The following GET3 variants were observed in gnomAD, a reference collection of about 807,000 sequenced individuals.
The protein encoded by GET3 is ATPase GET3.
In GET3, 15 loss-of-function variants were observed where a neutral mutation model predicts 32.4. The ratio of observed to expected loss-of-function variants is 0.46; its 90% confidence interval spans 0.31 to 0.71. The LOEUF (loss-of-function observed/expected upper bound fraction) is 0.71. Among genes scored for constraint, GET3 ranks in the 30% least tolerant of loss-of-function variants. GET3 has a pLI of 0.05. For synonymous variants in GET3, 198 were observed against 185.6 expected, an observed-to-expected ratio of 1.07 and a Z score of -0.54; for missense variants, 333 against 459.0, an observed-to-expected ratio of 0.73 and a Z score of 2.51.
intron 1 of GET3, among the ~76,000 whole-genome samples, 178 bp downstream of exon 1, chr19:12,737,844 C>T (rs1476502954): frequency 4.6e-5 from 7 of 152,126 alleles, no homozygotes; most frequent in African/African-American, 7.2e-5. Flanking sequence ...GCCCTAGCAC[C>T]CTCTGAGTTG....
chr19:12,743,733 T>TC (rs1329955498), intron 2 of GET3, among the ~76,000 whole-genome samples: 1 of 105,050 alleles, frequency 9.5e-6, no homozygotes, highest in East Asian at 3.2e-4. Context: ...TTTTTTTTTT[T>TC]TTTTTTTTTT....
Position 12,748,275 on chromosome 19 carries a change from C to A in GET3, c.*171C>A. 1.8e-6 allele frequency: 1 copy of A among 570,236 alleles called. No homozygotes were observed. Among genetic ancestry groups the A allele is most frequent in the South Asian group, 2.8e-5 (1 of 35,456 alleles). 35.3% of individuals were successfully genotyped at this position (570,236 alleles called of 1,614,324 possible). On this transcript the variant is annotated 3_prime_UTR_variant, in exon 7 of 7. Transcript: ENST00000357332. Reference sequence around the variant, plus strand: ...GGGGCTGGTGGGGAGCTGTAGTTGCCCCCTACCTCTCCCACCTCTTGCTCT... The same window carrying A: ...GGGGCTGGTGGGGAGCTGTAGTTGCACCCTACCTCTCCCACCTCTTGCTCT...
chr19:12,744,870 A>G (rs1181868154), intron 2 of GET3, among the ~76,000 whole-genome samples: 1 of 152,026 alleles, frequency 6.6e-6, no homozygotes, highest in African/African-American at 2.4e-5. Context: ...CTCCCATCTC[A>G]TTCTCCTGAG....
intron 1 of GET3, 38 bp downstream of exon 1, chr19:12,737,704 A>T: frequency 6.3e-7 from 1 of 1,575,162 alleles, no homozygotes; most frequent in Non-Finnish European, 8.6e-7. Flanking sequence ...GGCGTGTAGG[A>T]TATACCACTG....
At chr19:12,737,388 A>G, upstream of GET3, 3 of 1,254,990 alleles carry the variant, frequency 2.4e-6, no homozygotes, top group Non-Finnish European at 3.1e-6. Context: ...TTCTCCTAAA[A>G]GGCAAGTAAT....
rs1967761377 is a variant in GET3, at chr19:12,745,786, C to G, written c.609+27C>G. 1 of 1,574,992 alleles carries G rather than the reference C, an allele frequency of 6.3e-7. No homozygotes were observed. Among genetic ancestry groups the G allele is most frequent in the Non-Finnish European group, 8.6e-7 (1 of 1,161,562 alleles). On this transcript the variant is annotated intron_variant, in intron 4 of 6. Transcript: ENST00000357332. The surrounding 1 kb of genome is among the most constrained non-coding windows in gnomAD (Gnocchi z 5.0). Reference sequence around the variant, plus strand: ...CAGGCGGCGGGGGCCCCCACCTGCACCATCCAGGCAGCCGGGAGTGGGAGT... The same window carrying G: ...CAGGCGGCGGGGGCCCCCACCTGCAGCATCCAGGCAGCCGGGAGTGGGAGT...
chr19:12,739,833 C>G (rs913960966), intron 2 of GET3, among the ~76,000 whole-genome samples: 2 of 151,866 alleles, frequency 1.3e-5, no homozygotes, highest in Non-Finnish European at 2.9e-5. Flanking sequence ...CACTTGAGGT[C>G]AAGAGTTTGA....
Position 12,747,659 on chromosome 19 carries a change from C to A in GET3, c.915+67C>A. ...TGCCCCTTTATTCTCTGATCTTTTG[C>A]TCCACCATCTGGCCCTCTGCCCTCT... On this transcript the variant is annotated intron_variant, in intron 6 of 6. Coordinates refer to ENST00000357332, the MANE Select transcript of GET3 (RefSeq NM_004317.4). The surrounding 1 kb of genome is among the most constrained non-coding windows in gnomAD (Gnocchi z 4.0). 1 of 1,539,898 alleles carries A rather than the reference C, an allele frequency of 6.5e-7. No individual in the cohort carries two copies. The highest frequency in any genetic ancestry group is 2.4e-5 in the East Asian group (1 of 42,512).
chr19:12,738,756 T>G, intron 2 of GET3, 98 bp downstream of exon 2: 1 of 1,454,270 alleles, frequency 6.9e-7, no homozygotes, highest in Non-Finnish European at 9.4e-7. Context: ...ATCCACTCTA[T>G]ATCCTGTGTC....
rs138730527 is a variant in GET3 at position 12,737,528 on chromosome 19, G to A, written c.23G>A (p.Trp8Ter). Reference protein sequence around the residue: MAAGVAGWGVEAEEFEDA... With the variant: MAAGVAG ...AAAATGGCGGCAGGGGTGGCCGGGT[G>A]GGGGGTTGAGGCAGAGGAGTTCGAA... is the stretch of plus-strand genomic sequence containing the variant. The change falls in exon 1 of 7, where the codon TGG becomes TAG. Residue 8 changes from tryptophan (W) to a stop codon, truncating the protein, a stop_gained. Coordinates refer to ENST00000357332, the MANE Select transcript of GET3 (RefSeq NM_004317.4). LOFTEE classifies it high-confidence loss of function. 48 of 1,570,414 alleles carry A rather than the reference G, an allele frequency of 3.1e-5. No individual in the cohort carries two copies. The highest frequency in any genetic ancestry group is 3.7e-5 in the Non-Finnish European group (43 of 1,160,064).
intron 4 of GET3, among the ~76,000 whole-genome samples, chr19:12,746,568 A>G (rs8177490): frequency 5.4e-4 from 82 of 152,360 alleles, no homozygotes; most frequent in Middle Eastern, 3.4e-3. Flanking sequence ...AGGTGGTAAC[A>G]CTGAGCACTT....
At chr19:12,738,770 C>T (rs1008374539) in intron 2 of GET3, 112 bp downstream of exon 2, 29 of 1,357,478 alleles carry the variant, frequency 2.1e-5, no homozygotes, top group South Asian at 1.1e-4. Flanking sequence ...CTGTGTCTCT[C>T]GTGTTTCACT....
At position 12,747,013 on chromosome 19, in the gene GET3, A is replaced by C. The variant is rs190094977; in HGVS notation, c.610-184A>C. On this transcript the variant is annotated intron_variant, in intron 4 of 6. Coordinates refer to ENST00000357332, the MANE Select transcript of GET3 (RefSeq NM_004317.4). This position sits in a 1 kb window ranked among gnomAD's most constrained non-coding sequence, Gnocchi z 4.0. ...CAACAGAGTGAGACTCCATTTCAAA[A>C]AAAAAAAAAAAAGAAAGAAAGAAAT... Among the ~76,000 whole-genome samples the C allele has an allele frequency of 0.017, 2,507 of 151,486 alleles. 33 individuals are homozygous for C. Among genetic ancestry groups the C allele is most frequent in the Middle Eastern group, 0.051 (15 of 294 alleles).
Position 12,747,261 on chromosome 19 carries a change from CGCT to C in GET3, c.677_679del (p.Leu226del), listed in dbSNP as rs1568350234. On this transcript the variant is annotated inframe_deletion, in exon 5 of 7. Transcript: ENST00000357332. The surrounding 1 kb of genome is among the most constrained non-coding windows in gnomAD (Gnocchi z 4.0). ...CAGCTGGCCTCCAAGCTGGAGGAGA[CGCT>C]GCCCGTCATCCGCTCAGTCAGCGAA... 2 of 1,611,960 alleles carry C rather than the reference CGCT, an allele frequency of 1.2e-6. No homozygotes were observed.
At position 12,739,088 on chromosome 19, in the gene GET3, G is replaced by A. The variant is rs182544888; in HGVS notation, c.309+430G>A. ...AAGCAGGGAAACTAACAAGGAGATT[G>A]GGGGTGTAACCAGTTGAGAGATGAC... On this transcript the variant is annotated intron_variant, in intron 2 of 6. Transcript: ENST00000357332. Among the ~76,000 whole-genome samples the A allele has an allele frequency of 3.9e-5, 6 of 152,294 alleles. No homozygotes were observed. The East Asian group carries it at 1.2e-3, about 29-fold the overall frequency.
At chr19:12,743,180 T>C (rs7255105) in intron 2 of GET3, among the ~76,000 whole-genome samples, 4,339 of 152,120 alleles carry the variant, frequency 0.029, 204 homozygotes, top group African/African-American at 0.098. Flanking sequence ...AGGAGGAAGA[T>C]AAAGAGGGAG....
chr19:12,740,084 CA>C (rs893347627), intron 2 of GET3, among the ~76,000 whole-genome samples: 4,413 of 136,592 alleles, frequency 0.032, 194 homozygotes, highest in African/African-American at 0.11. Context: ...TCTCACGTCT[CA>C]AAAAAAAAAA....
At position 12,745,798 on chromosome 19, in the gene GET3, C is replaced by T. The variant is rs752130931; in HGVS notation, c.609+39C>T. ...GCCCCCACCTGCACCATCCAGGCAGCCGGGAGTGGGAGTAGGCCCGGGCCC... is the reference window on the plus strand; with the variant it reads ...GCCCCCACCTGCACCATCCAGGCAGTCGGGAGTGGGAGTAGGCCCGGGCCC... On this transcript the variant is annotated intron_variant, in intron 4 of 6. Coordinates refer to ENST00000357332, the MANE Select transcript of GET3 (RefSeq NM_004317.4). The surrounding 1 kb of genome is among the most constrained non-coding windows in gnomAD (Gnocchi z 5.0). 1 of 1,564,672 alleles carries T rather than the reference C, an allele frequency of 6.4e-7. No individual in the cohort carries two copies. The highest frequency in any genetic ancestry group is 8.6e-7 in the Non-Finnish European group (1 of 1,158,342).
At chr19:12,742,703 C>T (rs1967692971) in intron 2 of GET3, among the ~76,000 whole-genome samples, 1 of 151,940 alleles carries the variant, frequency 6.6e-6, no homozygotes, top group Non-Finnish European at 1.5e-5. Flanking sequence ...CGTGAGCCAC[C>T]GCGCCTGGCC....
Sources: gnomAD v4.1 joint callset for allele counts (sites outside exome capture counted in the v4.1 genomes callset) on GRCh38, gnomAD v4.1.1 for gene constraint, Gnocchi (gnomAD v3.1) non-coding constraint, MANE v1.5 for transcripts, NCBI Gene and HGNC (gene_info 2026-07-23, HGNC 2026-07-21) for gene names.